The following CHN1 variants were observed in gnomAD, a reference collection of about 807,000 sequenced individuals.
CHN1 encodes chimerin 1.
A neutral mutation model predicts 59.5 loss-of-function variants in CHN1; 37 were observed. That is an observed-to-expected ratio of 0.62 (90% confidence interval 0.48 to 0.82). The LOEUF is 0.82. CHN1 is among the 40% of genes least tolerant of loss of function. The probability of loss-of-function intolerance (pLI) is 0.00; values close to 1 mark genes in which losing one functional copy is unlikely to be tolerated. For synonymous variants in CHN1, 206 were observed against 200.4 expected (o/e 1.03, Z -0.24); for missense variants, 469 against 571.0 (o/e 0.82, Z 1.82).
At chr2:174,970,477 T>C (rs2105437192) in intron 1 of CHN1, among the ~76,000 whole-genome samples, 1 of 152,314 alleles carries the variant, frequency 6.6e-6, no homozygotes, top group East Asian at 1.9e-4. Flanking sequence ...TCAAGGAAAC[T>C]TGTATCCACC....
intron 1 of CHN1, among the ~76,000 whole-genome samples, chr2:174,976,965 T>C (rs908977438): frequency 6.6e-6 from 1 of 152,212 alleles, no homozygotes; most frequent in African/African-American, 2.4e-5. Context: ...TGGTCCAGCA[T>C]CTTGCTGCAA....
chr2:174,861,280 T>C (rs767161389), intron 6 of CHN1, among the ~76,000 whole-genome samples: 17 of 152,214 alleles, frequency 1.1e-4, no homozygotes, highest in Admixed American at 1.3e-4. Flanking sequence ...CATATATTTT[T>C]AGTACCCAGC....
At chr2:174,849,624 A>G (rs778614534) in intron 6 of CHN1, among the ~76,000 whole-genome samples, 2 of 152,220 alleles carry the variant, frequency 1.3e-5, no homozygotes, top group African/African-American at 2.4e-5. Context: ...TACAATATCT[A>G]GTAGATAGCC....
intron 1 of CHN1, among the ~76,000 whole-genome samples, chr2:175,002,640 G>A (rs1183802191): frequency 6.6e-6 from 1 of 152,162 alleles, no homozygotes; most frequent in Non-Finnish European, 1.5e-5. Context: ...TCTACTGCTG[G>A]ACTGCACTAA....
chr2:174,928,479 T>A (rs1689239093), intron 3 of CHN1, among the ~76,000 whole-genome samples: 2 of 152,172 alleles, frequency 1.3e-5, no homozygotes, highest in South Asian at 4.1e-4. Flanking sequence ...CATTAATCAA[T>A]GAGGGGATCA....
intron 6 of CHN1, among the ~76,000 whole-genome samples, chr2:174,852,566 T>A (rs1437975976): frequency 6.6e-6 from 1 of 152,160 alleles, no homozygotes; most frequent in African/African-American, 2.4e-5. Flanking sequence ...CTTTACAGAA[T>A]TAGAAAAACC....
At chr2:174,862,358 G>A (rs1054120159) in intron 6 of CHN1, among the ~76,000 whole-genome samples, 4 of 150,444 alleles carry the variant, frequency 2.7e-5, no homozygotes, top group African/African-American at 7.3e-5. Context: ...TTTTGAGACG[G>A]AGTCTTGCTC....
chr2:174,940,626 A>G (rs1010703673), intron 3 of CHN1, among the ~76,000 whole-genome samples: 3 of 152,084 alleles, frequency 2.0e-5, no homozygotes, highest in African/African-American at 7.2e-5. Flanking sequence ...CGTACTTTAT[A>G]ACTAGATTTA....
At chr2:174,845,148 C>T (rs1180755563) in intron 7 of CHN1, among the ~76,000 whole-genome samples, 3 of 152,038 alleles carry the variant, frequency 2.0e-5, no homozygotes, top group African/African-American at 7.2e-5. Flanking sequence ...TTGAATAGAC[C>T]TCCTAGTTGC....
At chr2:174,841,603 AGT>A (rs369035640) in intron 7 of CHN1, among the ~76,000 whole-genome samples, 2 of 151,958 alleles carry the variant, frequency 1.3e-5, no homozygotes, top group East Asian at 3.9e-4. Flanking sequence ...CTGGGGAAAG[AGT>A]GTGTGTGTGT....
In CHN1 at chr2:174,921,095, T is replaced by C. The variant is rs970319295; in HGVS notation, c.115-2530A>G. On this transcript the variant is annotated intron_variant, in intron 3 of 12. Transcript: ENST00000409900. ...TAATGTGGGCAATGGGGAGCGGCTG[T>C]AGTTGAAGCTTCGCTGGCTCACCTA... 9 of 368,990 alleles carry C rather than the reference T, an allele frequency of 2.4e-5. No homozygotes were observed. In the East Asian group the frequency reaches 4.5e-4, roughly 18 times the overall value. 22.9% of individuals were successfully genotyped at this position (368,990 alleles called of 1,614,324 possible). A position where few individuals can be genotyped will look rare whatever the true frequency, so the allele number is the denominator to read the frequency against.
intron 8 of CHN1, among the ~76,000 whole-genome samples, chr2:174,823,902 C>G (rs1254594180): frequency 6.6e-6 from 1 of 152,116 alleles, no homozygotes; most frequent in East Asian, 1.9e-4. Flanking sequence ...CAAAACATCA[C>G]ACAGAAAATA....
At chr2:174,929,841 T>G (rs1299125061) in intron 3 of CHN1, among the ~76,000 whole-genome samples, 1 of 152,226 alleles carries the variant, frequency 6.6e-6, no homozygotes, top group East Asian at 1.9e-4. Flanking sequence ...GTCATCGTGA[T>G]CTTCAGTTTT....
intron 7 of CHN1, among the ~76,000 whole-genome samples, chr2:174,836,585 T>C (rs1275827097): frequency 6.6e-6 from 1 of 152,236 alleles, no homozygotes; most frequent in Non-Finnish European, 1.5e-5. Context: ...TTCAGTAGGC[T>C]GTTCACTAAG....
rs71031072 is a variant in CHN1 at position 174,847,773 on chromosome 2, C to CAAAA, written c.550-820_550-817dup. On this transcript the variant is annotated intron_variant, in intron 6 of 12. Transcript: ENST00000409900. Reference sequence around the variant, plus strand: ...AAGTAAGTTTCTTGCTGGCTCAAGGCAAAAAAAAAAAAAAAAAAAAAAAAA... The same window carrying CAAAA: ...AAGTAAGTTTCTTGCTGGCTCAAGGCAAAAAAAAAAAAAAAAAAAAAAAAAAAAA... 8.7e-4 allele frequency: 207 copies of CAAAA among 238,412 alleles called. 10 individuals are homozygous for CAAAA. The highest frequency in any genetic ancestry group is 1.6e-3 in the African/African-American group (26 of 16,460). The allele number at this position is 238,412 out of a possible 1,614,324, so 14.8% of individuals were successfully genotyped here. A position where few individuals can be genotyped will look rare whatever the true frequency, so the allele number is the denominator to read the frequency against.
chr2:174,995,733 G>A (rs554560344), intron 1 of CHN1, among the ~76,000 whole-genome samples: 18 of 152,304 alleles, frequency 1.2e-4, no homozygotes, highest in Admixed American at 6.5e-4. Context: ...TGGCTTGGGG[G>A]TTGGGGACAC....
At chr2:174,871,570 A>T (rs1009500979) in intron 6 of CHN1, among the ~76,000 whole-genome samples, 5 of 152,208 alleles carry the variant, frequency 3.3e-5, no homozygotes, top group South Asian at 2.1e-4. Context: ...CCAGAATCTC[A>T]TATTAATTTC....
rs938731141 is a variant in CHN1, at chr2:175,000,357, T to C, written c.19+4537A>G. Among the ~76,000 whole-genome samples, 3 of 151,870 alleles carry C rather than the reference T, an allele frequency of 2.0e-5. No individual in the cohort carries two copies. In the East Asian group the frequency reaches 5.8e-4, roughly 30 times the overall value. ...TGGTTTTGCTATGTTAACCATGGTC[T>C]TGAACTCCCGACCTCAAGTGATCAT... On this transcript the variant is annotated intron_variant, in intron 1 of 12. Coordinates refer to ENST00000409900, the MANE Select transcript of CHN1 (RefSeq NM_001822.7).
At chr2:174,862,109 G>C (rs1204229703) in intron 6 of CHN1, among the ~76,000 whole-genome samples, 8 of 151,998 alleles carry the variant, frequency 5.3e-5, no homozygotes, top group South Asian at 4.2e-4. Flanking sequence ...CTTACTAATA[G>C]AGACATGAAA....
Sources: allele counts gnomAD v4.1 joint callset (sites outside exome capture counted in the v4.1 genomes callset), GRCh38; gene constraint gnomAD v4.1.1; transcripts MANE v1.5; gene names NCBI Gene and HGNC (gene_info 2026-07-23, HGNC 2026-07-21).